The following MAP4K4 variants were observed in gnomAD, a reference collection of about 807,000 sequenced individuals.
The protein encoded by MAP4K4 is HPK/GCK-like kinase HGK.
In MAP4K4, 38 loss-of-function variants were observed where a neutral mutation model predicts 189.6. The ratio of observed to expected loss-of-function variants is 0.20; its 90% CI spans 0.15 to 0.26. MAP4K4 has a LOEUF of 0.26. Ranked by LOEUF, MAP4K4 falls within the 10% of genes least tolerant of loss-of-function variation. The pLI is 1.00. For synonymous variants in MAP4K4, 610 were observed against 624.3 expected (o/e 0.98, Z 0.34); for missense variants, 1,054 against 1,726.9 (o/e 0.61, Z 6.91).
intron 3 of MAP4K4, among the ~76,000 whole-genome samples, chr2:101,822,961 T>A (rs1326201817): frequency 6.6e-6 from 1 of 152,222 alleles, no homozygotes; most frequent in African/African-American, 2.4e-5. Flanking sequence ...GTTTCTCTTC[T>A]TTCTCACTTT....
chr2:101,726,938 C>T (rs1342051767), intron 2 of MAP4K4, among the ~76,000 whole-genome samples: 2 of 152,282 alleles, frequency 1.3e-5, no homozygotes, highest in South Asian at 2.1e-4. Flanking sequence ...GATGGAGGCT[C>T]TCTGCAGAGT....
chr2:101,870,403 A>G (rs755890238), exon 23 of MAP4K4: 158 of 1,613,574 alleles, frequency 9.8e-5, no homozygotes, highest in Non-Finnish European at 1.3e-4. Flanking sequence ...AGGGCACTCT[A>G]ATCGTCCGCC....
chr2:101,794,675 A>G (rs2093468947), intron 3 of MAP4K4, among the ~76,000 whole-genome samples: 1 of 152,214 alleles, frequency 6.6e-6, no homozygotes, highest in African/African-American at 2.4e-5. Flanking sequence ...GCCTACATTC[A>G]TATATCTTTG....
At chr2:101,814,832 G>A (rs923986368) in intron 3 of MAP4K4, among the ~76,000 whole-genome samples, 1 of 152,158 alleles carries the variant, frequency 6.6e-6, no homozygotes, top group African/African-American at 2.4e-5. Flanking sequence ...CAGGAGTTGG[G>A]GTAGCTTAAG....
At chr2:101,853,695 C>T (rs2097354674) in intron 12 of MAP4K4, among the ~76,000 whole-genome samples, 1 of 152,098 alleles carries the variant, frequency 6.6e-6, no homozygotes, top group Non-Finnish European at 1.5e-5. Flanking sequence ...CACACAAAGG[C>T]ACATACATTA....
At chr2:101,890,583 G>A (rs555812984) in intron 32 of MAP4K4, among the ~76,000 whole-genome samples, 31 of 152,216 alleles carry the variant, frequency 2.0e-4, no homozygotes, top group Admixed American at 7.2e-4. Flanking sequence ...AGCCTCCTGA[G>A]TAGCTGGGAT....
intron 6 of MAP4K4, 37 bp from the exon 7 acceptor site, chr2:101,831,684 T>G (rs1031491423): frequency 1.6e-5 from 25 of 1,565,176 alleles, no homozygotes; most frequent in Non-Finnish European, 2.2e-5. Flanking sequence ...GTAGTTGTGT[T>G]TATCTTTCTT....
At chr2:101,756,704 A>C (rs980061546) in intron 2 of MAP4K4, among the ~76,000 whole-genome samples, 27 of 149,858 alleles carry the variant, frequency 1.8e-4, no homozygotes, top group Non-Finnish European at 7.4e-5. Flanking sequence ...GCAGGCGCGC[A>C]TCACCATGCC....
intron 2 of MAP4K4, among the ~76,000 whole-genome samples, chr2:101,703,872 G>A (rs2040465294): frequency 6.6e-6 from 1 of 151,904 alleles, no homozygotes; most frequent in Non-Finnish European, 1.5e-5. Context: ...TTAGCCGGGC[G>A]TGGTGGCGCG....
At chr2:101,883,446 C>T (rs2098436790) in intron 28 of MAP4K4, among the ~76,000 whole-genome samples, 1 of 152,202 alleles carries the variant, frequency 6.6e-6, no homozygotes, top group Admixed American at 6.5e-5. Context: ...ATTCTCCTGC[C>T]TCAGCCTCCT....
chr2:101,842,938 G>A (rs1189367983), intron 11 of MAP4K4, among the ~76,000 whole-genome samples: 2 of 152,152 alleles, frequency 1.3e-5, no homozygotes, highest in African/African-American at 4.8e-5. Flanking sequence ...GTGGGCCTGG[G>A]CAGGGGAGAG....
intron 3 of MAP4K4, among the ~76,000 whole-genome samples, chr2:101,815,897 GTGGT>G (rs2095681846): frequency 6.6e-6 from 1 of 152,142 alleles, no homozygotes; most frequent in African/African-American, 2.4e-5. Context: ...CTTACCTCAG[GTGGT>G]TTCCGCACGG....
intron 2 of MAP4K4, among the ~76,000 whole-genome samples, chr2:101,771,375 A>T (rs2081339661): frequency 6.6e-6 from 1 of 152,166 alleles, no homozygotes; most frequent in African/African-American, 2.4e-5. Context: ...AGATGAGAAG[A>T]TGGCAGTGGA....
chr2:101,857,750 G>A (rs999402915), intron 13 of MAP4K4, among the ~76,000 whole-genome samples: 4 of 151,980 alleles, frequency 2.6e-5, no homozygotes, highest in Non-Finnish European at 4.4e-5. Flanking sequence ...TTTTGGCTCA[G>A]TTTTCTTTGT....
At chr2:101,706,076 T>A (rs757584340) in intron 2 of MAP4K4, among the ~76,000 whole-genome samples, 2 of 152,208 alleles carry the variant, frequency 1.3e-5, no homozygotes, top group African/African-American at 4.8e-5. Flanking sequence ...TTACCAGTTA[T>A]GAATCGATAG....
At chr2:101,864,994 G>C in exon 18 of MAP4K4, 1 of 1,576,210 alleles carries the variant, frequency 6.3e-7, no homozygotes, top group Admixed American at 1.8e-5. Context: ...CTGCAGGGCA[G>C]TGGGCAGCAG....
At chr2:101,722,056 ATAG>A (rs1444319591) in intron 2 of MAP4K4, among the ~76,000 whole-genome samples, 2 of 152,184 alleles carry the variant, frequency 1.3e-5, no homozygotes, top group Admixed American at 1.3e-4. Flanking sequence ...ATAGAGGAAG[ATAG>A]TAGGAGAGAG....
chr2:101,814,257 A>T (rs1462159198), intron 3 of MAP4K4, among the ~76,000 whole-genome samples: 1 of 152,234 alleles, frequency 6.6e-6, no homozygotes, highest in Non-Finnish European at 1.5e-5. Flanking sequence ...ATTTTTTTAA[A>T]TGAAAGGTGT....
chr2:101,742,893 T>C (rs991947722), intron 2 of MAP4K4, among the ~76,000 whole-genome samples: 2 of 152,218 alleles, frequency 1.3e-5, no homozygotes, highest in Non-Finnish European at 2.9e-5. Context: ...TTTAGAAGTC[T>C]GAAAGAGCAA....
Sources: gnomAD v4.1 joint callset for allele counts (sites outside exome capture counted in the v4.1 genomes callset) on GRCh38, gnomAD v4.1.1 for gene constraint, MANE v1.5 for transcripts, NCBI Gene and HGNC (gene_info 2026-07-23, HGNC 2026-07-21) for gene names.